SCHIP1: variants seen among roughly 807,000 people sequenced by gnomAD.
SCHIP1 encodes schwannomin-interacting protein 1.
SCHIP1 carries 8 observed loss-of-function variants against 29.7 expected under a neutral mutation model. That is an observed-to-expected ratio of 0.27 (90% CI 0.16 to 0.49). The LOEUF (loss-of-function observed/expected upper bound fraction) is 0.49, where lower values mean the gene tolerates loss of function less well. Among genes scored for constraint, SCHIP1 ranks in the 20% least tolerant of loss-of-function variants. SCHIP1 has a pLI of 0.99. For missense variants in SCHIP1, 193 were observed against 294.6 expected (o/e 0.66, Z 2.52); for synonymous variants, 76 against 94.9 (o/e 0.80, Z 1.16).
the SCHIP1 span, chr3:159,764,537 C>A: frequency 1.9e-6 from 3 of 1,590,408 alleles, no homozygotes; most frequent in Non-Finnish European, 2.6e-6. The surrounding 1 kb of genome is among the most constrained non-coding windows in gnomAD (Gnocchi z 6.1). Context: ...ACCAAAGTGA[C>A]CCCTTGCTCC....
the SCHIP1 span, among the ~76,000 whole-genome samples, chr3:159,561,058 G>A: frequency 6.6e-6 from 1 of 152,124 alleles, no homozygotes; most frequent in African/African-American, 2.4e-5. Flanking sequence ...TATACACACA[G>A]CACACCAGAT....
the SCHIP1 span, among the ~76,000 whole-genome samples, chr3:159,629,168 GATTAC>G: frequency 6.6e-6 from 1 of 151,518 alleles, no homozygotes; most frequent in Non-Finnish European, 1.5e-5. Context: ...CACACAACTT[GATTAC>G]ATTATTCTCT....
the SCHIP1 span, among the ~76,000 whole-genome samples, chr3:159,536,799 T>C: frequency 6.6e-6 from 1 of 152,246 alleles, no homozygotes; most frequent in African/African-American, 2.4e-5. Flanking sequence ...CTTTAAATTA[T>C]ATAAATACAC....
At chr3:159,294,727 G>C in the SCHIP1 span, among the ~76,000 whole-genome samples, 4 of 152,170 alleles carry the variant, frequency 2.6e-5, no homozygotes, top group African/African-American at 7.2e-5. Context: ...AAGGGAAAAA[G>C]TAAATGAAAG....
chr3:159,817,775 T>C, the SCHIP1 span, among the ~76,000 whole-genome samples: 1 of 152,188 alleles, frequency 6.6e-6, no homozygotes, highest in African/African-American at 2.4e-5. Flanking sequence ...CTTTTGTCGC[T>C]GTATTCTTAC....
chr3:159,606,696 G>T, the SCHIP1 span, among the ~76,000 whole-genome samples: 1 of 152,178 alleles, frequency 6.6e-6, no homozygotes, highest in Non-Finnish European at 1.5e-5. Flanking sequence ...GGCTAGCCAG[G>T]AGAGTTGAAA....
the SCHIP1 span, among the ~76,000 whole-genome samples, chr3:159,500,786 A>T: frequency 3.3e-5 from 5 of 151,990 alleles, no homozygotes; most frequent in Admixed American, 2.0e-4. Context: ...AATTCTTGGT[A>T]CCCTTTTAGT....
At chr3:159,361,495 G>A in the SCHIP1 span, among the ~76,000 whole-genome samples, 3 of 152,142 alleles carry the variant, frequency 2.0e-5, no homozygotes, top group Non-Finnish European at 4.4e-5. Flanking sequence ...AGATCACATG[G>A]GACCACAGTA....
chr3:159,872,373 C>G (rs1715379321), intron 2 of SCHIP1, among the ~76,000 whole-genome samples: 1 of 152,022 alleles, frequency 6.6e-6, no homozygotes, highest in Non-Finnish European at 1.5e-5. Context: ...GAAAATGTGT[C>G]CCCCATCCTA....
At chr3:159,893,502 G>T (rs26298) in intron 6 of SCHIP1, 2 of 151,992 alleles carry the variant, frequency 1.3e-5, no homozygotes, top group African/African-American at 2.4e-5. Context: ...TACAATCAGG[G>T]CCTACATTTT....
At chr3:159,628,904 C>T in the SCHIP1 span, among the ~76,000 whole-genome samples, 4 of 151,836 alleles carry the variant, frequency 2.6e-5, no homozygotes, top group African/African-American at 9.7e-5. Context: ...ATCATAAAAA[C>T]ATACAGTTGG....
chr3:159,690,787 T>C, the SCHIP1 span, among the ~76,000 whole-genome samples: 1 of 152,190 alleles, frequency 6.6e-6, no homozygotes, highest in Non-Finnish European at 1.5e-5. Flanking sequence ...GAGATTCTGG[T>C]GTGTTGTGTC....
At chr3:159,354,791 C>T in the SCHIP1 span, among the ~76,000 whole-genome samples, 2 of 152,044 alleles carry the variant, frequency 1.3e-5, no homozygotes, top group African/African-American at 4.8e-5. Context: ...AAGAAAGAAA[C>T]ATAGCATTTG....
At chr3:159,670,202 C>T in the SCHIP1 span, among the ~76,000 whole-genome samples, 1 of 152,188 alleles carries the variant, frequency 6.6e-6, no homozygotes, top group African/African-American at 2.4e-5. Flanking sequence ...CCATTCAAGG[C>T]ATTGAGATTG....
chr3:159,625,538 T>G, the SCHIP1 span, among the ~76,000 whole-genome samples: 2 of 152,276 alleles, frequency 1.3e-5, no homozygotes, highest in East Asian at 3.9e-4. Flanking sequence ...TTTTCTCTTC[T>G]CTTTATTTCC....
At chr3:159,443,777 A>C in the SCHIP1 span, among the ~76,000 whole-genome samples, 1 of 152,228 alleles carries the variant, frequency 6.6e-6, no homozygotes, top group Non-Finnish European at 1.5e-5. Flanking sequence ...AAAGTGCTGG[A>C]ATTATAGGCA....
the SCHIP1 span, among the ~76,000 whole-genome samples, chr3:159,556,571 T>C: frequency 6.6e-6 from 1 of 152,038 alleles, no homozygotes; most frequent in South Asian, 2.1e-4. Context: ...ATATACACCA[T>C]GGAACACTAT....
Position 159,886,091 on chromosome 3 carries a change from C to T in SCHIP1, c.150-116C>T, listed in dbSNP as rs963770950. 23 of 999,176 alleles carry T rather than the reference C, an allele frequency of 2.3e-5. No individual in the cohort carries two copies. The African/African-American group carries it at 3.0e-4, about 13-fold the overall frequency. The allele number at this position is 999,176 out of a possible 1,614,324, so 61.9% of individuals were successfully genotyped here. Reference sequence around the variant, plus strand: ...GGAGAGTAATATTGGTTGCTCATTTCTCCATGTGAAGAACACATAAGACTA... The same window carrying T: ...GGAGAGTAATATTGGTTGCTCATTTTTCCATGTGAAGAACACATAAGACTA... On this transcript the variant is annotated intron_variant, in intron 2 of 6. Coordinates refer to ENST00000445224, the Ensembl canonical transcript of SCHIP1.
chr3:159,479,870 T>C, the SCHIP1 span, among the ~76,000 whole-genome samples: 3 of 152,204 alleles, frequency 2.0e-5, no homozygotes, highest in Admixed American at 2.0e-4. Context: ...TGCAAAGCTC[T>C]TTTCCTTACA....
Sources: gnomAD v4.1 joint callset for allele counts (sites outside exome capture counted in the v4.1 genomes callset) on GRCh38, gnomAD v4.1.1 for gene constraint, Gnocchi (gnomAD v3.1) non-coding constraint, MANE v1.5 for transcripts, NCBI Gene and HGNC (gene_info 2026-07-23, HGNC 2026-07-21) for gene names.